The following UPB1 variants were observed in gnomAD, a reference collection of about 807,000 sequenced individuals.
UPB1 encodes beta-ureidopropionase 1, also known as beta-ureidopropionase.
A neutral mutation model predicts 49.1 loss-of-function variants in UPB1; 40 were observed. That is an observed-to-expected ratio of 0.81 (90% CI 0.63 to 1.06). The LOEUF is 1.06. Ranked by LOEUF, UPB1 falls within the 50% of genes least tolerant of loss-of-function variation. The probability of loss-of-function intolerance (pLI) is 0.00; values close to 1 mark genes in which losing one functional copy is unlikely to be tolerated. For missense variants in UPB1, 499 were observed against 505.9 expected, an observed-to-expected ratio of 0.99 and a Z score of 0.13; for synonymous variants, 207 against 198.2, an observed-to-expected ratio of 1.04 and a Z score of -0.38.
intron 9 of UPB1, among the ~76,000 whole-genome samples, chr22:24,524,190 T>C (rs1601519451): frequency 1.3e-5 from 2 of 152,126 alleles, no homozygotes; most frequent in Non-Finnish European, 2.9e-5. Context: ...AGGAAATGGG[T>C]CATGCAGAGA....
At chr22:24,518,867 T>C (rs548803900) in intron 6 of UPB1, among the ~76,000 whole-genome samples, 5 of 152,276 alleles carry the variant, frequency 3.3e-5, no homozygotes, top group African/African-American at 9.6e-5. Context: ...TTTTTAGGGG[T>C]GTGTGTGCAC....
chr22:24,526,078 C>CA lies in UPB1; in HGVS notation c.*284_*285insA. 1 of 423,138 alleles carries CA rather than the reference C, an allele frequency of 2.4e-6. No homozygotes were observed. The highest frequency in any genetic ancestry group is 4.4e-6 in the Non-Finnish European group (1 of 228,226). 26.2% of individuals were successfully genotyped at this position (423,138 alleles called of 1,614,324 possible). A position where few individuals can be genotyped will look rare whatever the true frequency, so the allele number is the denominator to read the frequency against. The stretch of plus-strand genomic sequence containing the variant: ...GTTTGTTATGTAAATTTTACCTCAA[C>CA]TAAAAAAAAAAATGCCCAGGTACTG... On this transcript the variant is annotated 3_prime_UTR_variant, in exon 10 of 10. Transcript: ENST00000326010.
intron 6 of UPB1, chr22:24,518,057 T>G (rs1232461223): frequency 6.6e-6 from 1 of 152,132 alleles, no homozygotes; most frequent in Non-Finnish European, 1.5e-5. Context: ...CCCAGCTACT[T>G]GGGAGGCTGA....
chr22:24,505,219 C>T (rs1601487458), intron 3 of UPB1, among the ~76,000 whole-genome samples: 1 of 152,130 alleles, frequency 6.6e-6, no homozygotes, highest in Non-Finnish European at 1.5e-5. Context: ...CTTCTCTTAC[C>T]TCTAAGGATA....
At chr22:24,521,209 C>T (rs1220181753) in intron 7 of UPB1, among the ~76,000 whole-genome samples, 1 of 137,620 alleles carries the variant, frequency 7.3e-6, no homozygotes, top group Non-Finnish European at 1.6e-5. Context: ...AGGCCAGGTG[C>T]GGACGCTCAT....
At chr22:24,505,539 C>A (rs893923100) in intron 3 of UPB1, among the ~76,000 whole-genome samples, 3 of 152,066 alleles carry the variant, frequency 2.0e-5, no homozygotes, top group Non-Finnish European at 2.9e-5. Context: ...TTACTCAATC[C>A]CTCTGTTTTG....
chr22:24,521,403 A>G (rs2044389960), intron 7 of UPB1, among the ~76,000 whole-genome samples: 1 of 152,076 alleles, frequency 6.6e-6, no homozygotes, highest in African/African-American at 2.4e-5. Flanking sequence ...GAATTGCTTG[A>G]ACCCGGGAGG....
intron 6 of UPB1, chr22:24,516,783 G>C (rs1252089967): frequency 3.3e-5 from 5 of 152,098 alleles, no homozygotes; most frequent in Admixed American, 3.3e-4. Context: ...GGAGCGCAGT[G>C]GCGCAATCTT....
intron 1 of UPB1, among the ~76,000 whole-genome samples, chr22:24,499,236 A>C (rs1300288240): frequency 2.0e-5 from 3 of 152,218 alleles, no homozygotes; most frequent in Non-Finnish European, 4.4e-5. Context: ...GATTTAAAGT[A>C]GGAGAGAAAT....
At chr22:24,524,966 G>A (rs1044930296) in intron 9 of UPB1, among the ~76,000 whole-genome samples, 1 of 152,124 alleles carries the variant, frequency 6.6e-6, no homozygotes, top group Non-Finnish European at 1.5e-5. Context: ...GACAAACAAG[G>A]TATTGGGCAT....
Position 24,520,486 on chromosome 22 carries a change from G to T in UPB1, c.873+18G>T. On this transcript the variant is annotated intron_variant, in intron 7 of 9. Transcript: ENST00000326010. The stretch of plus-strand genomic sequence containing the variant: ...TGGGCACCGTAAGTCCCGAGGTCTG[G>T]CTGGGGAGAGGAGCCACCACCTGGT... 1 of 1,612,362 alleles carries T rather than the reference G, an allele frequency of 6.2e-7. No homozygotes were observed.
chr22:24,509,188 A>G (rs2044146741), intron 3 of UPB1, among the ~76,000 whole-genome samples: 1 of 152,104 alleles, frequency 6.6e-6, no homozygotes, highest in Non-Finnish European at 1.5e-5. Flanking sequence ...CACTGCAGAT[A>G]TTCACGTGTG....
At chr22:24,499,009 G>A (rs1010781641) in intron 1 of UPB1, among the ~76,000 whole-genome samples, 1 of 152,238 alleles carries the variant, frequency 6.6e-6, no homozygotes, top group East Asian at 1.9e-4. Flanking sequence ...GTCTAAGGCA[G>A]TCACAGCAAG....
At chr22:24,519,563 C>T (rs368154462) in intron 6 of UPB1, among the ~76,000 whole-genome samples, 9 of 152,182 alleles carry the variant, frequency 5.9e-5, no homozygotes, top group African/African-American at 2.2e-4. Flanking sequence ...ACAGCTCAGC[C>T]AAGCACATGG....
rs367553466 is a variant in UPB1, at chr22:24,513,386, G to T, written c.522G>T (p.Gly174=). The T allele has an allele frequency of 4.3e-6, 7 of 1,614,188 alleles. No homozygotes were observed. The highest frequency in any genetic ancestry group is 5.9e-6 in the Non-Finnish European group (7 of 1,180,038). ...TCCTGGAACGAGACAGCGAGCATGG[G>T]GATGTTTTGTGGAATACAGCCGTGG... The part of the protein sequence containing the change: ...SPILERDSEH[G]DVLWNTAVVI... The change falls in exon 5 of 10, where the codon GGG becomes GGT. Residue 174 remains glycine, a synonymous_variant. Coordinates refer to ENST00000326010, the MANE Select transcript of UPB1 (RefSeq NM_016327.3).
chr22:24,502,472 C>T (rs950411445), intron 3 of UPB1: 1 of 780,898 alleles, frequency 1.3e-6, no homozygotes, highest in Non-Finnish European at 2.4e-6. Context: ...CTGGTCCAAG[C>T]CCCTGGCAGC....
At chr22:24,523,168 C>T (rs572630821) in intron 8 of UPB1, among the ~76,000 whole-genome samples, 3 of 152,300 alleles carry the variant, frequency 2.0e-5, no homozygotes, top group East Asian at 3.9e-4. Context: ...TGCCCAGCCC[C>T]ACCTGCTCCT....
At chr22:24,510,341 T>C (rs1183267335) in intron 3 of UPB1, among the ~76,000 whole-genome samples, 1 of 152,236 alleles carries the variant, frequency 6.6e-6, no homozygotes, top group East Asian at 1.9e-4. Flanking sequence ...CATGTAAGCA[T>C]GCATCAGAAT....
At chr22:24,499,402 A>G (rs751795192) in intron 1 of UPB1, among the ~76,000 whole-genome samples, 1 of 152,140 alleles carries the variant, frequency 6.6e-6, no homozygotes, top group Non-Finnish European at 1.5e-5. Flanking sequence ...AACAGGTATC[A>G]GGAGGTATTT....
Sources: gnomAD v4.1 joint callset for allele counts (sites outside exome capture counted in the v4.1 genomes callset) on GRCh38, gnomAD v4.1.1 for gene constraint, MANE v1.5 for transcripts, NCBI Gene and HGNC (gene_info 2026-07-23, HGNC 2026-07-21) for gene names.